NCOA2: variants seen among roughly 807,000 people sequenced by gnomAD.
NCOA2 encodes nuclear receptor coactivator 2.
In NCOA2, 21 loss-of-function variants were observed where a neutral mutation model predicts 145.1. The ratio of observed to expected loss-of-function variants is 0.14; its 90% CI spans 0.10 to 0.21. The LOEUF (loss-of-function observed/expected upper bound fraction) is 0.21. NCOA2 is among the 10% of genes least tolerant of loss of function. The pLI is 1.00. For missense variants in NCOA2, 1,472 were observed against 1,837.6 expected, an observed-to-expected ratio of 0.80 and a Z score of 3.64; for synonymous variants, 619 against 637.5, an observed-to-expected ratio of 0.97 and a Z score of 0.44.
Position 70,157,381 on chromosome 8 carries a change from C to T in NCOA2, c.1125-141G>A, listed in dbSNP as rs571865273. 6.2e-6 allele frequency: 5 copies of T among 810,598 alleles called. No individual in the cohort carries two copies. The East Asian group carries it at 1.4e-4, about 22-fold the overall frequency. The allele number at this position is 810,598 out of a possible 1,614,324, so 50.2% of individuals were successfully genotyped here. A position where few individuals can be genotyped will look rare whatever the true frequency, so the allele number is the denominator to read the frequency against. Reference sequence around the variant, plus strand: ...AGGATAGATAATACTTTGTTGAAATCATCTGCAATTATTGACAAGACTGAA... The same window carrying T: ...AGGATAGATAATACTTTGTTGAAATTATCTGCAATTATTGACAAGACTGAA... On this transcript the variant is annotated intron_variant, in intron 10 of 22. Coordinates refer to ENST00000452400, the MANE Select transcript of NCOA2 (RefSeq NM_006540.4).
intron 1 of NCOA2, among the ~76,000 whole-genome samples, chr8:70,364,357 A>T (rs1353299475): frequency 1.3e-5 from 2 of 152,210 alleles, no homozygotes; most frequent in Non-Finnish European, 2.9e-5. Context: ...AAAAAGCATT[A>T]AAAAAATTAC....
rs768636250 is a variant in NCOA2 at position 70,144,834 on chromosome 8, G to A, written c.2620C>T (p.Arg874Ter). Residue 874 changes from arginine to a stop codon, truncating the protein, a stop_gained, in exon 13 of 23, where the codon CGA (arginine) becomes TGA (stop). Coordinates refer to ENST00000452400, the MANE Select transcript of NCOA2 (RefSeq NM_006540.4). LOFTEE classifies it high-confidence loss of function. ...RISQSTFNNPRPGQLGRLLPN... is the reference protein window; with the variant it reads ...RISQSTFNNP ...AATAACCTGCCCAGTTGCCCTGGTC[G>A]TGGGTTATTAAAAGCTAAGGAGAAA... The A allele has an allele frequency of 1.2e-6, 2 of 1,613,886 alleles. No individual in the cohort carries two copies. The highest frequency in any genetic ancestry group is 1.7e-6 in the Non-Finnish European group (2 of 1,179,788).
the NCOA2 span, among the ~76,000 whole-genome samples, chr8:70,450,570 ATTCTT>A: frequency 6.2e-4 from 38 of 61,142 alleles, 1 homozygote; most frequent in African/African-American, 2.7e-3. Context: ...ACTTCTTTTT[ATTCTT>A]TTTTTTTTTT....
the NCOA2 span, among the ~76,000 whole-genome samples, chr8:70,447,325 G>A: frequency 6.6e-5 from 10 of 152,150 alleles, no homozygotes; most frequent in South Asian, 2.1e-4. Context: ...AAGCACATAG[G>A]AGACAGTTGT....
chr8:70,410,471 C>T, the NCOA2 span, among the ~76,000 whole-genome samples: 1 of 152,114 alleles, frequency 6.6e-6, no homozygotes, highest in Non-Finnish European at 1.5e-5. Context: ...GCTGGGACTA[C>T]AGGTGTGTGC....
At chr8:70,275,086 T>C (rs1291296680) in intron 2 of NCOA2, among the ~76,000 whole-genome samples, 1 of 152,212 alleles carries the variant, frequency 6.6e-6, no homozygotes, top group Non-Finnish European at 1.5e-5. Context: ...AGCCAGTAGG[T>C]TCATCTGTAG....
chr8:70,150,231 A>G (rs1811589601), intron 11 of NCOA2, among the ~76,000 whole-genome samples: 1 of 152,230 alleles, frequency 6.6e-6, no homozygotes, highest in Admixed American at 6.5e-5. Flanking sequence ...TATCTAATAC[A>G]GGAGAGTCAG....
intron 4 of NCOA2, among the ~76,000 whole-genome samples, chr8:70,208,396 T>C (rs1183064921): frequency 1.1e-4 from 16 of 152,236 alleles, no homozygotes. Context: ...TGAAGCAGCA[T>C]GTGCTGATGG....
intron 1 of NCOA2, chr8:70,401,824 G>A (rs1485333720): frequency 1.3e-5 from 2 of 152,194 alleles, no homozygotes; most frequent in Non-Finnish European, 2.9e-5. Flanking sequence ...CGGACGCTGA[G>A]GTCCAGGACA....
At chr8:70,370,323 A>G (rs1811098895) in intron 1 of NCOA2, among the ~76,000 whole-genome samples, 1 of 152,258 alleles carries the variant, frequency 6.6e-6, no homozygotes, top group Non-Finnish European at 1.5e-5. Context: ...CACCTATATG[A>G]GAAAAGTATA....
At chr8:70,118,925 T>C (rs1321575490) in intron 22 of NCOA2, among the ~76,000 whole-genome samples, 1 of 152,238 alleles carries the variant, frequency 6.6e-6, no homozygotes, top group East Asian at 1.9e-4. Context: ...TGACCTCAGG[T>C]GATCCATCCG....
intron 1 of NCOA2, among the ~76,000 whole-genome samples, chr8:70,372,290 A>C (rs1257680995): frequency 1.3e-5 from 2 of 152,206 alleles, no homozygotes; most frequent in Admixed American, 1.3e-4. Context: ...AATCACTACT[A>C]AAGCTCTCTT....
chr8:70,126,054 G>GA (rs1266228145), intron 19 of NCOA2, among the ~76,000 whole-genome samples: 1 of 152,150 alleles, frequency 6.6e-6, no homozygotes, highest in Non-Finnish European at 1.5e-5. Flanking sequence ...GTTCTTTAAA[G>GA]AAACAGGAGA....
In NCOA2 at chr8:70,156,451, C is replaced by A. The variant is rs1812299947; in HGVS notation, c.1914G>T (p.Gln638His). 1.9e-6 allele frequency: 3 copies of A among 1,613,844 alleles called. No homozygotes were observed. The highest frequency in any genetic ancestry group is 2.5e-6 in the Non-Finnish European group (3 of 1,179,896). ...TGGTCAGCAGCTGCAGGAGTTTGGT[C>A]TGCCCTTTGCTGTCATGCAGTCTGC... ...GQSRLHDSKG[Q>H]TKLLQLLTTK... The change falls in exon 11 of 23, where the codon CAG (glutamine) becomes CAT (histidine). Residue 638 changes from glutamine (Q) to histidine (H), a missense_variant. Transcript: ENST00000452400.
At chr8:70,287,463 G>C (rs1271167803) in intron 2 of NCOA2, among the ~76,000 whole-genome samples, 1 of 152,096 alleles carries the variant, frequency 6.6e-6, no homozygotes, top group Non-Finnish European at 1.5e-5. Context: ...ATAGGCTTCT[G>C]ATTATGGGAA....
intron 1 of NCOA2, among the ~76,000 whole-genome samples, chr8:70,363,189 C>A (rs942937372): frequency 6.6e-6 from 1 of 151,732 alleles, no homozygotes; most frequent in African/African-American, 2.4e-5. Context: ...CGAGACCATC[C>A]TGGCTAACAC....
intron 1 of NCOA2, among the ~76,000 whole-genome samples, chr8:70,357,954 G>T (rs1185405637): frequency 6.6e-6 from 1 of 152,048 alleles, no homozygotes; most frequent in Non-Finnish European, 1.5e-5. Flanking sequence ...GGGAGGCTGA[G>T]GCAGGAGAAT....
chr8:70,145,142 T>C (rs1810891390), intron 12 of NCOA2, among the ~76,000 whole-genome samples: 1 of 151,790 alleles, frequency 6.6e-6, no homozygotes, highest in Non-Finnish European at 1.5e-5. Context: ...CATTCATTCA[T>C]TCATTCATTC....
intron 1 of NCOA2, among the ~76,000 whole-genome samples, chr8:70,345,879 C>T (rs978401756): frequency 5.3e-5 from 8 of 152,148 alleles, no homozygotes; most frequent in African/African-American, 1.9e-4. Flanking sequence ...GGTCCCATGT[C>T]CAACAATCCT....
Sources: gnomAD v4.1 joint callset for allele counts (sites outside exome capture counted in the v4.1 genomes callset) on GRCh38, gnomAD v4.1.1 for gene constraint, MANE v1.5 for transcripts, NCBI Gene and HGNC (gene_info 2026-07-23, HGNC 2026-07-21) for gene names.